CD33: variants seen among roughly 807,000 people sequenced by gnomAD.
CD33 encodes the protein CD33 molecule.
CD33 carries 25 observed loss-of-function variants against 31.4 expected under a neutral mutation model. The ratio of observed to expected loss-of-function variants is 0.80; its 90% confidence interval spans 0.58 to 1.11. The LOEUF (loss-of-function observed/expected upper bound fraction) is 1.11, where lower values mean the gene tolerates loss of function less well. CD33 is among the 50% of genes most tolerant of loss of function. The pLI, the probability that CD33 is intolerant of heterozygous loss-of-function variation, is 0.00. For missense variants in CD33, 407 were observed against 448.1 expected, an observed-to-expected ratio of 0.91 and a Z score of 0.83; for synonymous variants, 176 against 180.6, an observed-to-expected ratio of 0.97 and a Z score of 0.20.
intron 4 of CD33, among the ~76,000 whole-genome samples, chr19:51,228,668 T>TTTTTGTTTTG (rs143779270): frequency 2.6e-5 from 4 of 151,068 alleles, no homozygotes; most frequent in African/African-American, 4.9e-5. Context: ...AGTCTTTAGG[T>TTTTTGTTTTG]TTTTGTTTTG....
At chr19:51,232,945 T>C (rs1254267788) in intron 4 of CD33, among the ~76,000 whole-genome samples, 3 of 152,158 alleles carry the variant, frequency 2.0e-5, no homozygotes, top group South Asian at 4.1e-4. Flanking sequence ...GGAGTAGCAC[T>C]CAGAGCTTTA....
chr19:51,239,568 T>C lies in CD33; in HGVS notation c.975T>C (p.Cys325=). The change falls in exon 7 of 7, where the codon TGT becomes TGC. Residue 325 remains cysteine (C), a synonymous_variant. Transcript: ENST00000262262. ...ATGGCCCCACTGAAACCTCAAGCTG[T>C]TCAGGTGCCGCCCCTACTGTGGAGA... is the stretch of plus-strand genomic sequence containing the variant. The part of the protein sequence containing the change: ...KLHGPTETSS[C]SGAAPTVEMD... 1 of 1,613,430 alleles carries C rather than the reference T, an allele frequency of 6.2e-7. No homozygotes were observed. The highest frequency in any genetic ancestry group is 1.1e-5 in the South Asian group (1 of 90,886).
chr19:51,235,029 G>T, intron 4 of CD33, 128 bp from the exon 5 acceptor site: 1 of 677,012 alleles, frequency 1.5e-6, no homozygotes, highest in East Asian at 2.6e-5. Context: ...TGTCTATGAT[G>T]GGTGGGAAGA....
chr19:51,214,164 T>C, the CD33 span, among the ~76,000 whole-genome samples: 1 of 146,478 alleles, frequency 6.8e-6, no homozygotes, highest in African/African-American at 2.7e-5. Context: ...CTGGCCTCAT[T>C]TTTCTTTTCC....
chr19:51,212,239 A>C, the CD33 span, among the ~76,000 whole-genome samples: 6 of 152,134 alleles, frequency 3.9e-5, no homozygotes, highest in Admixed American at 3.9e-4. Flanking sequence ...CTTCTGGGGT[A>C]GGGAAGGAGT....
the CD33 span, among the ~76,000 whole-genome samples, chr19:51,213,979 C>A: frequency 6.6e-6 from 1 of 151,456 alleles, no homozygotes; most frequent in Non-Finnish European, 1.5e-5. Flanking sequence ...CCTGCCTCAG[C>A]CTCCTGAGTA....
At chr19:51,239,449 C>T in intron 6 of CD33, 69 bp from the exon 7 acceptor site, 1 of 1,199,450 alleles carries the variant, frequency 8.3e-7, no homozygotes, top group East Asian at 2.6e-5. Flanking sequence ...ACTTCATTGA[C>T]CCTCTTTGCC....
chr19:51,235,925 A>G lies in CD33; in HGVS notation c.924+249A>G, dbSNP rs371830628. 8.1e-5 allele frequency: 57 copies of G among 699,916 alleles called. 1 individual carries two copies. The highest frequency in any genetic ancestry group is 7.0e-4 in the Middle Eastern group (2 of 2,852). The allele number at this position is 699,916 out of a possible 1,614,324, so 43.4% of individuals were successfully genotyped here. A position where few individuals can be genotyped will look rare whatever the true frequency, so the allele number is the denominator to read the frequency against. On this transcript the variant is annotated intron_variant, in intron 6 of 6. Coordinates refer to ENST00000262262, the MANE Select transcript of CD33 (RefSeq NM_001772.4). ...TGCAATCCCAGCACCTTTGGAGGCC[A>G]AGGCGGGCGGATCACGAGGTCAGGA...
the CD33 span, among the ~76,000 whole-genome samples, chr19:51,216,953 C>T: frequency 6.6e-6 from 1 of 152,172 alleles, no homozygotes; most frequent in Non-Finnish European, 1.5e-5. Context: ...TCAGAGGCAG[C>T]AGTAGGCCTG....
chr19:51,211,657 G>T, the CD33 span: 3 of 1,163,752 alleles, frequency 2.6e-6, no homozygotes, highest in Non-Finnish European at 3.7e-6. Flanking sequence ...GCTTGGGATG[G>T]GACCCATGTC....
At chr19:51,232,062 C>T (rs752321555) in intron 4 of CD33, among the ~76,000 whole-genome samples, 11 of 152,028 alleles carry the variant, frequency 7.2e-5, no homozygotes, top group South Asian at 2.1e-4. Context: ...CTGTGCCTGG[C>T]CCCTTGAGCA....
intron 6 of CD33, 24 bp downstream of exon 6, chr19:51,235,700 T>A (rs767267297): frequency 6.3e-6 from 10 of 1,590,498 alleles, no homozygotes; most frequent in Non-Finnish European, 7.7e-6. Flanking sequence ...CATCCTGGCA[T>A]CCAGTCTGTC....
At chr19:51,211,195 C>G in the CD33 span, 1 of 1,579,834 alleles carries the variant, frequency 6.3e-7, no homozygotes, top group Admixed American at 1.8e-5. Flanking sequence ...AGCTGACCCT[C>G]GTTTCCCCAC....
At chr19:51,235,731 T>C (rs756817874) in intron 6 of CD33, 55 bp downstream of exon 6, 6 of 1,414,110 alleles carry the variant, frequency 4.2e-6, no homozygotes, top group African/African-American at 4.2e-5. Context: ...CTCCTCCCAA[T>C]GTGGCCCACC....
chr19:51,229,135 C>A (rs779895892), intron 4 of CD33, among the ~76,000 whole-genome samples: 2 of 152,136 alleles, frequency 1.3e-5, no homozygotes, highest in African/African-American at 4.8e-5. Flanking sequence ...TTTTATTCTG[C>A]AACTATTTAG....
intron 3 of CD33, 72 bp from the exon 4 acceptor site, chr19:51,226,237 G>A (rs1981019489): frequency 6.5e-7 from 1 of 1,530,170 alleles, no homozygotes; most frequent in Non-Finnish European, 9.0e-7. Flanking sequence ...TTTCTGGCAG[G>A]AGTAAGGGGA....
In CD33 at chr19:51,235,671, TC is replaced by T. The variant is rs1489755826; in HGVS notation, c.923del (p.Pro308ArgfsTer41). ...NDTHPTTGSASPKHQKKSKLH... is the reference protein window; with the variant it reads ...NDTHPTTGSAXPKHQKKSKLH... ...CACCCACCCTACCACAGGGTCAGCC[TC>T]CCCGGTGAGTGATGGGGCATCCTGG... On this transcript the variant is annotated frameshift_variant, in exon 6 of 7. Coordinates refer to ENST00000262262, the MANE Select transcript of CD33 (RefSeq NM_001772.4). LOFTEE classifies it low-confidence loss of function (END_TRUNC). 3 of 1,612,726 alleles carry T rather than the reference TC, an allele frequency of 1.9e-6. No homozygotes were observed. The highest frequency in any genetic ancestry group is 1.3e-5 in the African/African-American group (1 of 74,984).
chr19:51,217,719 T>C, the CD33 span, among the ~76,000 whole-genome samples: 1 of 152,178 alleles, frequency 6.6e-6, no homozygotes, highest in Non-Finnish European at 1.5e-5. Context: ...ACTCCTGGCC[T>C]CCAATGTCTA....
chr19:51,230,719 C>A (rs187388451), intron 4 of CD33, among the ~76,000 whole-genome samples: 1 of 152,126 alleles, frequency 6.6e-6, no homozygotes, highest in Non-Finnish European at 1.5e-5. Context: ...TATCTTTTTC[C>A]ATCTCTTCCT....
Sources: allele counts gnomAD v4.1 joint callset (sites outside exome capture counted in the v4.1 genomes callset), GRCh38; gene constraint gnomAD v4.1.1; transcripts MANE v1.5; gene names NCBI Gene and HGNC (gene_info 2026-07-23, HGNC 2026-07-21).